Variants in ARFGEF1 observed in about 807,000 individuals in gnomAD.
The protein encoded by ARFGEF1 is ARF guanine nucleotide exchange factor 1, also known as brefeldin A-inhibited guanine nucleotide-exchange protein 1.
In ARFGEF1, 42 loss-of-function variants were observed where a neutral mutation model predicts 231.0. That is an observed-to-expected ratio of 0.18 (90% confidence interval 0.14 to 0.24). The LOEUF is 0.24. Among genes scored for constraint, ARFGEF1 ranks in the 10% least tolerant of loss-of-function variants. The probability of loss-of-function intolerance (pLI) is 1.00; values close to 1 mark genes in which losing one functional copy is unlikely to be tolerated. For synonymous variants in ARFGEF1, 710 were observed against 732.3 expected (o/e 0.97, Z 0.49); for missense variants, 1,345 against 2,192.0 (o/e 0.61, Z 7.72).
chr8:67,335,352 G>A (rs1808295580), intron 1 of ARFGEF1, among the ~76,000 whole-genome samples: 3 of 152,176 alleles, frequency 2.0e-5, no homozygotes, highest in Middle Eastern at 3.4e-3. Context: ...TGATCTGCCC[G>A]CCTCAGCCTC....
chr8:67,218,766 T>A (rs952302783), intron 30 of ARFGEF1, among the ~76,000 whole-genome samples: 1 of 152,146 alleles, frequency 6.6e-6, no homozygotes, highest in Non-Finnish European at 1.5e-5. Context: ...TGGTTCATAG[T>A]AAAATATGTT....
At chr8:67,303,808 G>A (rs940913683) in intron 1 of ARFGEF1, among the ~76,000 whole-genome samples, 2 of 151,946 alleles carry the variant, frequency 1.3e-5, no homozygotes, top group African/African-American at 4.8e-5. Context: ...GTATTCAAAT[G>A]TGTGCCAAGT....
intron 14 of ARFGEF1, among the ~76,000 whole-genome samples, chr8:67,263,751 T>G (rs1417573287): frequency 6.6e-6 from 1 of 152,122 alleles, no homozygotes; most frequent in Non-Finnish European, 1.5e-5. Context: ...GCTCTCACTG[T>G]AATGGAAGAA....
intron 14 of ARFGEF1, among the ~76,000 whole-genome samples, chr8:67,263,077 TTC>T (rs1233628418): frequency 6.6e-6 from 1 of 152,182 alleles, no homozygotes; most frequent in East Asian, 1.9e-4. Context: ...CAGCTCCAGA[TTC>T]TCTCTCACTC....
intron 5 of ARFGEF1, among the ~76,000 whole-genome samples, chr8:67,295,848 C>T (rs1278124041): frequency 6.6e-6 from 1 of 152,116 alleles, no homozygotes; most frequent in Non-Finnish European, 1.5e-5. Context: ...AAAGGGATTG[C>T]TCTGAAAAAT....
chr8:67,218,767 A>C (rs1480155502), intron 30 of ARFGEF1, among the ~76,000 whole-genome samples: 7 of 152,224 alleles, frequency 4.6e-5, no homozygotes, highest in African/African-American at 1.7e-4. Context: ...GGTTCATAGT[A>C]AAATATGTTG....
chr8:67,255,801 A>T (rs1840435958), intron 17 of ARFGEF1, among the ~76,000 whole-genome samples: 1 of 152,258 alleles, frequency 6.6e-6, no homozygotes, highest in Admixed American at 6.5e-5. Flanking sequence ...CTAGGACTCC[A>T]AGCACATGTT....
At chr8:67,335,351 C>T (rs944661192) in intron 1 of ARFGEF1, among the ~76,000 whole-genome samples, 48 of 152,048 alleles carry the variant, frequency 3.2e-4, no homozygotes, top group Admixed American at 2.9e-3. Context: ...ATGATCTGCC[C>T]GCCTCAGCCT....
At chr8:67,343,138 A>T in intron 1 of ARFGEF1, 26 bp downstream of exon 1, 1 of 323,884 alleles carries the variant, frequency 3.1e-6, no homozygotes, top group Non-Finnish European at 4.6e-6. Flanking sequence ...CAAGCACCCC[A>T]TCCCCCGGGC....
At chr8:67,232,042 G>T (rs946915776) in intron 23 of ARFGEF1, among the ~76,000 whole-genome samples, 2 of 151,784 alleles carry the variant, frequency 1.3e-5, no homozygotes, top group Admixed American at 6.6e-5. Context: ...GTACTTCCAG[G>T]GTCAGTGGCC....
At chr8:67,243,966 G>A (rs965550088) in intron 19 of ARFGEF1, among the ~76,000 whole-genome samples, 5 of 152,068 alleles carry the variant, frequency 3.3e-5, no homozygotes, top group Non-Finnish European at 2.9e-5. Flanking sequence ...CAGGCCAGGC[G>A]TGGTGGCTCA....
chr8:67,238,967 T>G (rs993444648), intron 20 of ARFGEF1, 74 bp from the exon 21 acceptor site: 5 of 1,174,190 alleles, frequency 4.3e-6, no homozygotes, highest in South Asian at 2.1e-5. Flanking sequence ...CAACAAACTC[T>G]GTTTACTTGT....
At chr8:67,311,513 G>A (rs1199570254) in intron 1 of ARFGEF1, among the ~76,000 whole-genome samples, 1 of 140,972 alleles carries the variant, frequency 7.1e-6, no homozygotes, top group Admixed American at 6.9e-5. Flanking sequence ...GGAGGGAGGT[G>A]GGGGGGGGTC....
rs147611619 is a variant in ARFGEF1 at position 67,216,593 on chromosome 8, T to C, written c.4683A>G (p.Pro1561=). ...PPPPSPVSEK[P]LDTISQKSVD... Reference sequence around the variant, plus strand: ...TACTTTACTGATTAAAACTTACCAATGGCTTTTCACTTACAGGAGATGGAG... The same window carrying C: ...TACTTTACTGATTAAAACTTACCAACGGCTTTTCACTTACAGGAGATGGAG... Residue 1561 remains proline, a synonymous_variant, in exon 33 of 39, where the codon CCA becomes CCG. Coordinates refer to ENST00000262215, the MANE Select transcript of ARFGEF1 (RefSeq NM_006421.5). The C allele has an allele frequency of 5.5e-4, 880 of 1,598,832 alleles. 3 individuals carry two copies. Among genetic ancestry groups the C allele is most frequent in the Middle Eastern group, 4.8e-3 (29 of 6,020 alleles).
At chr8:67,186,977 CT>C (rs1450774443) in intron 5 of ARFGEF1, among the ~76,000 whole-genome samples, 1 of 133,540 alleles carries the variant, frequency 7.5e-6, no homozygotes, top group Non-Finnish European at 1.6e-5. Flanking sequence ...TATCATCTAT[CT>C]ATCTATCTAT....
At chr8:67,288,122 C>A in intron 6 of ARFGEF1, 57 bp from the exon 7 acceptor site, 1 of 1,160,898 alleles carries the variant, frequency 8.6e-7, no homozygotes, top group Non-Finnish European at 1.2e-6. Flanking sequence ...AAGCTTTTTA[C>A]TAAACATTTA....
intron 1 of ARFGEF1, among the ~76,000 whole-genome samples, chr8:67,323,389 C>G (rs931166457): frequency 6.6e-6 from 1 of 152,164 alleles, no homozygotes; most frequent in Non-Finnish European, 1.5e-5. Context: ...AACCTGATAA[C>G]TTAAAAGTTG....
chr8:67,288,028 G>A lies in ARFGEF1; in HGVS notation c.954C>T (p.Asn318=). 1 of 1,606,904 alleles carries A rather than the reference G, an allele frequency of 6.2e-7. No homozygotes were observed. The stretch of plus-strand genomic sequence containing the variant: ...CTTGTGGCTTTTCCTCACAATCATG[G>A]TTTTCTCCGTCATATAACACTTCAT... The part of the protein sequence containing the change: ...SKNEVLYDGE[N]HDCEEKPQDI... Residue 318 remains asparagine (N), a synonymous_variant, in exon 7 of 39, where the codon AAC becomes AAT. Coordinates refer to ENST00000262215, the MANE Select transcript of ARFGEF1 (RefSeq NM_006421.5).
chr8:67,278,472 TA>T (rs2128900996), intron 7 of ARFGEF1, among the ~76,000 whole-genome samples: 1 of 152,330 alleles, frequency 6.6e-6, no homozygotes, highest in African/African-American at 2.4e-5. Context: ...GTGACTTGAG[TA>T]ATATGAAAGG....
Sources: allele counts gnomAD v4.1 joint callset (sites outside exome capture counted in the v4.1 genomes callset), GRCh38; gene constraint gnomAD v4.1.1; transcripts MANE v1.5; gene names NCBI Gene and HGNC (gene_info 2026-07-23, HGNC 2026-07-21).